FAM83D: variants seen among roughly 807,000 people sequenced by gnomAD.
The protein encoded by FAM83D is scaffolding CK1 anchoring protein D, also known as protein FAM83D.
Under a neutral mutation model 25.4 loss-of-function variants are expected in FAM83D, and 26 were observed. The ratio of observed to expected loss-of-function variants is 1.02; its 90% CI spans 0.75 to 1.42. The LOEUF is 1.42. Among genes scored for constraint, FAM83D ranks in the 40% most tolerant of loss-of-function variants. The pLI is 0.00. For missense variants in FAM83D, 740 were observed against 758.1 expected, an observed-to-expected ratio of 0.98 and a Z score of 0.28; for synonymous variants, 310 against 318.5, an observed-to-expected ratio of 0.97 and a Z score of 0.28.
At chr20:38,927,419 T>A (rs561167208) in intron 1 of FAM83D, among the ~76,000 whole-genome samples, 33 of 152,226 alleles carry the variant, frequency 2.2e-4, no homozygotes, top group South Asian at 1.7e-3. Flanking sequence ...TGCTAATTAC[T>A]TTCATGCATC....
intron 2 of FAM83D, 66 bp from the exon 3 acceptor site, chr20:38,947,810 C>T (rs1264911638): frequency 6.4e-7 from 1 of 1,572,670 alleles, no homozygotes; most frequent in East Asian, 2.3e-5. Flanking sequence ...TTTGTCCTAA[C>T]CATTTGCTCA....
At chr20:38,944,215 CTTA>C (rs1036536373) in intron 2 of FAM83D, among the ~76,000 whole-genome samples, 5 of 152,136 alleles carry the variant, frequency 3.3e-5, no homozygotes, top group African/African-American at 1.2e-4. Flanking sequence ...AACTTACCAC[CTTA>C]TTATTACCAA....
Position 38,952,293 on chromosome 20 carries a change from C to G in FAM83D, c.1531C>G (p.Leu511Val), listed in dbSNP as rs1211293130. Residue 511 changes from leucine to valine, a missense_variant, in exon 4 of 4, where the codon CTG becomes GTG. Around this residue, in one of 3 missense-constraint regions of FAM83D, gnomAD observed 375 missense variants for 403.2 expected, o/e 0.93. Coordinates refer to ENST00000619850, the MANE Select transcript of FAM83D (RefSeq NM_030919.3). Reference sequence around the variant, plus strand: ...CCACAATCCTGGCTATCCCAAGTACCTGGGCACCCCCCACCTGGAACTGTA... The same window carrying G: ...CCACAATCCTGGCTATCCCAAGTACGTGGGCACCCCCCACCTGGAACTGTA... ...DFHNPGYPKY[L>V]GTPHLELYLS... 9.9e-6 allele frequency: 16 copies of G among 1,614,140 alleles called. No homozygotes were observed. Among genetic ancestry groups the G allele is most frequent in the Non-Finnish European group, 1.4e-5 (16 of 1,180,036 alleles).
intron 2 of FAM83D, 64 bp downstream of exon 2, chr20:38,942,190 A>C (rs1337125574): frequency 1.3e-6 from 2 of 1,563,838 alleles, no homozygotes; most frequent in East Asian, 4.5e-5. Flanking sequence ...TCCATTATCT[A>C]CAAGCTGGCT....
chr20:38,939,147 C>A (rs936154764), intron 1 of FAM83D, among the ~76,000 whole-genome samples: 1 of 152,184 alleles, frequency 6.6e-6, no homozygotes, highest in Admixed American at 6.5e-5. Context: ...CCTACCTCTT[C>A]CTCTGTTATC....
At chr20:38,930,218 T>C (rs1323019610) in intron 1 of FAM83D, among the ~76,000 whole-genome samples, 4 of 152,254 alleles carry the variant, frequency 2.6e-5, no homozygotes, top group Non-Finnish European at 5.9e-5. Flanking sequence ...GAAGCTGTTC[T>C]GCATCCGTGT....
chr20:38,930,499 A>G (rs973667439), intron 1 of FAM83D, among the ~76,000 whole-genome samples: 1 of 151,680 alleles, frequency 6.6e-6, no homozygotes, highest in African/African-American at 2.4e-5. Flanking sequence ...TATTTTTTTT[A>G]AGACAGAGTC....
chr20:38,937,063 T>C (rs1170853258), intron 1 of FAM83D, among the ~76,000 whole-genome samples: 1 of 152,110 alleles, frequency 6.6e-6, no homozygotes, highest in Admixed American at 6.5e-5. Flanking sequence ...GCTGGAGAAG[T>C]GCAGGAACAG....
intron 3 of FAM83D, among the ~76,000 whole-genome samples, chr20:38,951,115 G>A (rs548555409): frequency 1.1e-4 from 17 of 152,264 alleles, no homozygotes; most frequent in South Asian, 2.1e-4. Context: ...GAGCCACCGC[G>A]CCTGGCCCCC....
At chr20:38,948,451 A>G (rs1481491158) in intron 3 of FAM83D, among the ~76,000 whole-genome samples, 4 of 152,176 alleles carry the variant, frequency 2.6e-5, no homozygotes, top group African/African-American at 9.7e-5. Flanking sequence ...CAAATCCTCC[A>G]CGTTGCTTCA....
In FAM83D at chr20:38,943,273, C is replaced by T. The variant is rs546012611; in HGVS notation, c.651+1147C>T. Among the ~76,000 whole-genome samples, 4 of 152,304 alleles carry T rather than the reference C, an allele frequency of 2.6e-5. No homozygotes were observed. In the East Asian group the frequency reaches 7.7e-4, roughly 29 times the overall value. Reference sequence around the variant, plus strand: ...CTCCTACCTCAGATGATCTGCCTGCCTCGGCCTCCCAAAGTGCTGGGATTA... The same window carrying T: ...CTCCTACCTCAGATGATCTGCCTGCTTCGGCCTCCCAAAGTGCTGGGATTA... On this transcript the variant is annotated intron_variant, in intron 2 of 3. Coordinates refer to ENST00000619850, the MANE Select transcript of FAM83D (RefSeq NM_030919.3).
intron 3 of FAM83D, among the ~76,000 whole-genome samples, chr20:38,950,172 ACT>A (rs2145808784): frequency 6.6e-6 from 1 of 152,022 alleles, no homozygotes; most frequent in South Asian, 2.1e-4. Flanking sequence ...AAAGGGTGAA[ACT>A]CTTTCACTCA....
intron 1 of FAM83D, among the ~76,000 whole-genome samples, chr20:38,927,296 A>ATC (rs1379589795): frequency 6.6e-6 from 1 of 152,198 alleles, no homozygotes; most frequent in East Asian, 1.9e-4. Flanking sequence ...CCAACGCTAG[A>ATC]TCCCACTTTC....
chr20:38,947,832 T>G, intron 2 of FAM83D, 44 bp from the exon 3 acceptor site: 1 of 1,606,058 alleles, frequency 6.2e-7, no homozygotes, highest in Non-Finnish European at 8.5e-7. Flanking sequence ...CAGATGAGTA[T>G]TGCTGAATTG....
chr20:38,937,892 AGGTTG>A (rs1443808551), intron 1 of FAM83D, among the ~76,000 whole-genome samples: 1 of 151,948 alleles, frequency 6.6e-6, no homozygotes, highest in African/African-American at 2.4e-5. Context: ...TCAGAGGCGG[AGGTTG>A]CAGTGAGCCG....
Position 38,930,609 on chromosome 20 carries a change from T to C in FAM83D, c.483+3684T>C, listed in dbSNP as rs202151754. On this transcript the variant is annotated intron_variant, in intron 1 of 3. Transcript: ENST00000619850. ...GACTCTCCTGACTCAGCCTCCCGAGTAGCTGGGATTACAGGAGCACACCAC... is the reference window on the plus strand; with the variant it reads ...GACTCTCCTGACTCAGCCTCCCGAGCAGCTGGGATTACAGGAGCACACCAC... Among the ~76,000 whole-genome samples, 6 of 151,906 alleles carry C rather than the reference T, an allele frequency of 3.9e-5. No individual in the cohort carries two copies. In the East Asian group the frequency reaches 1.2e-3, roughly 29 times the overall value.
At chr20:38,939,786 G>A (rs1005595685) in intron 1 of FAM83D, among the ~76,000 whole-genome samples, 2 of 152,148 alleles carry the variant, frequency 1.3e-5, no homozygotes, top group African/African-American at 2.4e-5. Flanking sequence ...AGCCCACAGC[G>A]TGCTCTGAGG....
Position 38,952,045 on chromosome 20 carries a change from T to G in FAM83D, c.1283T>G (p.Ile428Arg). ...AGTQTAVITR[I>R]ASSQTTIWSR... The stretch of plus-strand genomic sequence containing the variant: ...ACCCAGACTGCAGTCATCACCAGGA[T>G]AGCAAGCTCTCAAACCACGATTTGG... Residue 428 changes from isoleucine to arginine, a missense_variant, in exon 4 of 4, where the codon ATA becomes AGA. Transcript: ENST00000619850. 1 of 1,614,202 alleles carries G rather than the reference T, an allele frequency of 6.2e-7. No individual in the cohort carries two copies. Among genetic ancestry groups the G allele is most frequent in the Non-Finnish European group, 8.5e-7 (1 of 1,180,034 alleles).
intron 2 of FAM83D, among the ~76,000 whole-genome samples, chr20:38,943,222 G>A (rs1337292149): frequency 6.6e-6 from 1 of 152,002 alleles, no homozygotes; most frequent in African/African-American, 2.4e-5. Context: ...ATGGGGTTTT[G>A]CCATGTTGTC....
Sources: gnomAD v4.1 joint callset for allele counts (sites outside exome capture counted in the v4.1 genomes callset) on GRCh38, gnomAD v4.1.1 for gene constraint, gnomAD v4.1.1 regional missense constraint, MANE v1.5 for transcripts, NCBI Gene and HGNC (gene_info 2026-07-23, HGNC 2026-07-21) for gene names.